Variants in WDR76 observed in about 807,000 individuals in gnomAD.
The protein encoded by WDR76 is WD repeat domain 76.
A neutral mutation model predicts 70.2 loss-of-function variants in WDR76; 52 were observed. That is an observed-to-expected ratio of 0.74 (90% CI 0.59 to 0.93). The LOEUF (loss-of-function observed/expected upper bound fraction) is 0.93, where lower values mean the gene tolerates loss of function less well. Ranked by LOEUF, WDR76 falls within the 40% of genes least tolerant of loss-of-function variation. The pLI is 0.00. For missense variants in WDR76, 756 were observed against 760.2 expected (o/e 0.99, Z 0.07); for synonymous variants, 292 against 271.1 (o/e 1.08, Z -0.76).
chr15:43,862,134 C>T (rs1225928131), intron 12 of WDR76, among the ~76,000 whole-genome samples: 1 of 152,014 alleles, frequency 6.6e-6, no homozygotes, highest in Non-Finnish European at 1.5e-5. Flanking sequence ...CGGCGCCTGG[C>T]CTTGTATGTG....
intron 2 of WDR76, among the ~76,000 whole-genome samples, chr15:43,833,329 T>TA (rs895326214): frequency 1.3e-5 from 2 of 149,482 alleles, no homozygotes; most frequent in African/African-American, 4.9e-5. Flanking sequence ...TCTTTTTTTT[T>TA]TTTTTTTGAG....
chr15:43,860,819 C>T (rs1402419042), intron 11 of WDR76, among the ~76,000 whole-genome samples: 6 of 151,434 alleles, frequency 4.0e-5, no homozygotes, highest in Non-Finnish European at 7.4e-5. Flanking sequence ...ATGATTTCTA[C>T]GCTAAACTAT....
At chr15:43,831,455 T>A (rs1187162562) in intron 2 of WDR76, among the ~76,000 whole-genome samples, 1 of 151,924 alleles carries the variant, frequency 6.6e-6, no homozygotes, top group African/African-American at 2.4e-5. Flanking sequence ...CTTTTTTTTT[T>A]TGAGACAGGG....
rs1485874771 is a variant in WDR76 at position 43,844,597 on chromosome 15, G to A, written c.1032+543G>A. Among the ~76,000 whole-genome samples, 5 of 140,136 alleles carry A rather than the reference G, an allele frequency of 3.6e-5. No individual in the cohort carries two copies. The South Asian group carries it at 1.1e-3, about 32-fold the overall frequency. The allele number at this position is 140,136 out of a possible 152,430, so 91.9% of individuals were successfully genotyped here. On this transcript the variant is annotated intron_variant, in intron 8 of 12. Coordinates refer to ENST00000263795, the MANE Select transcript of WDR76 (RefSeq NM_024908.4). ...ACTGTGCCATCCAGCCTGGGTGATA[G>A]AGTAAGACTCCGTCTCAAAAAAAAA...
intron 7 of WDR76, 112 bp from the exon 8 acceptor site, chr15:43,843,789 T>C: frequency 2.1e-6 from 2 of 953,264 alleles, no homozygotes; most frequent in South Asian, 2.1e-5. Flanking sequence ...GGAGATTGAA[T>C]AGTTCCCATA....
chr15:43,862,491 T>G (rs1218440333), intron 12 of WDR76, among the ~76,000 whole-genome samples: 13 of 136,004 alleles, frequency 9.6e-5, no homozygotes, highest in South Asian at 4.6e-4. Flanking sequence ...CTAATTTCTG[T>G]TTTTTTTTTT....
At chr15:43,854,978 T>C (rs2140310160) in intron 9 of WDR76, among the ~76,000 whole-genome samples, 1 of 152,014 alleles carries the variant, frequency 6.6e-6, no homozygotes. Context: ...AAATTTTCCA[T>C]TTCCCTCAAG....
Position 43,844,094 on chromosome 15 carries a change from A to G in WDR76, c.1032+40A>G, listed in dbSNP as rs149769959. The G allele has an allele frequency of 6.0e-4, 956 of 1,588,498 alleles. 16 individuals carry two copies. In the East Asian group the frequency reaches 0.016, roughly 27 times the overall value. ...TTCTTGAATATATTATAGTTTGACTAAAGCAAATAGGCTGGAAGAGAATAG... is the reference window on the plus strand; with the variant it reads ...TTCTTGAATATATTATAGTTTGACTGAAGCAAATAGGCTGGAAGAGAATAG... On this transcript the variant is annotated intron_variant, in intron 8 of 12. Transcript: ENST00000263795.
In WDR76 at chr15:43,851,804, G is replaced by A. The variant is rs1314281971; in HGVS notation, c.1191+559G>A. On this transcript the variant is annotated intron_variant, in intron 9 of 12. Coordinates refer to ENST00000263795, the MANE Select transcript of WDR76 (RefSeq NM_024908.4). The stretch of plus-strand genomic sequence containing the variant: ...AAAAATATTAGCTGAGCTTGGTGGT[G>A]TGTGCCTGTAGTCTCAGCTACTCAG... Among the ~76,000 whole-genome samples the A allele has an allele frequency of 2.0e-5, 3 of 152,158 alleles. No homozygotes were observed. The East Asian group carries it at 5.8e-4, about 29-fold the overall frequency.
chr15:43,836,135 T>C (rs761158094), intron 3 of WDR76, 26 bp from the exon 4 acceptor site: 1 of 1,595,170 alleles, frequency 6.3e-7, no homozygotes, highest in Non-Finnish European at 8.5e-7. Context: ...GTTATAACAT[T>C]TTTACATGAT....
intron 2 of WDR76, among the ~76,000 whole-genome samples, chr15:43,828,839 A>G (rs2087550789): frequency 6.6e-6 from 1 of 152,172 alleles, no homozygotes; most frequent in Non-Finnish European, 1.5e-5. Context: ...TAGGTAAGAT[A>G]CATGAGAAAC....
At chr15:43,847,256 A>G (rs1040307823) in intron 8 of WDR76, among the ~76,000 whole-genome samples, 3 of 152,014 alleles carry the variant, frequency 2.0e-5, no homozygotes, top group African/African-American at 4.8e-5. Flanking sequence ...GTAAAATTCA[A>G]TGCTTTTTTT....
intron 2 of WDR76, among the ~76,000 whole-genome samples, chr15:43,832,666 G>C (rs1006215137): frequency 2.3e-4 from 34 of 148,972 alleles, no homozygotes; most frequent in Non-Finnish European, 3.8e-4. Flanking sequence ...GGCTGGTCTC[G>C]AACTCCTGAT....
chr15:43,858,035 C>T lies in WDR76; in HGVS notation c.1410-636C>T, dbSNP rs1429757242. On this transcript the variant is annotated intron_variant, in intron 10 of 12. Coordinates refer to ENST00000263795, the MANE Select transcript of WDR76 (RefSeq NM_024908.4). ...GCAACCTCCGCCTCCCAGGTTCAAG[C>T]GATTCTTCTGCTTCAGCCTCCTGAG... Among the ~76,000 whole-genome samples the T allele has an allele frequency of 6.4e-4, 91 of 143,294 alleles. 1 individual carries two copies. The highest frequency in any genetic ancestry group is 9.4e-4 in the Non-Finnish European group (63 of 66,832). The allele number at this position is 143,294 out of a possible 152,430, so 94.0% of individuals were successfully genotyped here.
At chr15:43,832,029 G>C (rs1379730051) in intron 2 of WDR76, among the ~76,000 whole-genome samples, 1 of 152,148 alleles carries the variant, frequency 6.6e-6, no homozygotes, top group African/African-American at 2.4e-5. Flanking sequence ...TTATAGGCGT[G>C]AGCCACTGCA....
intron 12 of WDR76, among the ~76,000 whole-genome samples, chr15:43,865,221 C>T (rs1052757987): frequency 2.7e-5 from 4 of 148,360 alleles, no homozygotes; most frequent in African/African-American, 2.5e-5. Flanking sequence ...TCAGCCTCCC[C>T]AGTAGCTGGG....
In WDR76 at chr15:43,827,022, G is replaced by C. The variant is rs765500860; in HGVS notation, c.-11G>C. 2 of 1,613,640 alleles carry C rather than the reference G, an allele frequency of 1.2e-6. No individual in the cohort carries two copies. The highest frequency in any genetic ancestry group is 2.7e-5 in the African/African-American group (2 of 74,934). ...TTGGCGGGAAGGCGCCGGCCGCTAA[G>C]AAGCCGAAAGATGTCCAGGTCGGGC... On this transcript the variant is annotated 5_prime_UTR_variant, in exon 1 of 13. Transcript: ENST00000263795.
intron 10 of WDR76, chr15:43,857,674 A>T (rs756567743): frequency 3.2e-4 from 77 of 241,504 alleles, no homozygotes; most frequent in Non-Finnish European, 4.6e-4. Context: ...ACAAAAACTA[A>T]CCAGGTGTGG....
intron 5 of WDR76, among the ~76,000 whole-genome samples, chr15:43,841,591 C>T (rs1372696973): frequency 3.3e-5 from 5 of 152,140 alleles, no homozygotes; most frequent in Admixed American, 6.5e-5. Flanking sequence ...TTGCCTGCCT[C>T]AGCCTCCCAA....
Sources: gnomAD v4.1 joint callset for allele counts (sites outside exome capture counted in the v4.1 genomes callset) on GRCh38, gnomAD v4.1.1 for gene constraint, MANE v1.5 for transcripts, NCBI Gene and HGNC (gene_info 2026-07-23, HGNC 2026-07-21) for gene names.